Variants in XXYLT1 observed in about 807,000 individuals in gnomAD.
XXYLT1 encodes xyloside xylosyltransferase 1.
Under a neutral mutation model 28.9 loss-of-function variants are expected in XXYLT1, and 20 were observed. The observed-to-expected ratio is 0.69, with a 90% CI of 0.49 to 1.00. XXYLT1 has a LOEUF of 1.00. XXYLT1 is among the 50% of genes least tolerant of loss of function. The pLI, the probability that XXYLT1 is intolerant of heterozygous loss-of-function variation, is 0.00. For synonymous variants in XXYLT1, 257 were observed against 253.8 expected, an observed-to-expected ratio of 1.01 and a Z score of -0.12; for missense variants, 542 against 560.1, an observed-to-expected ratio of 0.97 and a Z score of 0.33.
intron 1 of XXYLT1, among the ~76,000 whole-genome samples, chr3:195,228,491 T>C (rs1724155549): frequency 6.9e-6 from 1 of 144,868 alleles, no homozygotes; most frequent in African/African-American, 2.6e-5. Flanking sequence ...TTTCACTTTT[T>C]TTTTTTTTTT....
At chr3:195,250,141 C>T (rs561406691) in intron 1 of XXYLT1, among the ~76,000 whole-genome samples, 23 of 152,300 alleles carry the variant, frequency 1.5e-4, no homozygotes, top group African/African-American at 5.5e-4. Context: ...ACTGAGCCTC[C>T]GACACAGCAG....
intron 1 of XXYLT1, among the ~76,000 whole-genome samples, chr3:195,261,836 G>T (rs927686200): frequency 6.6e-6 from 1 of 152,230 alleles, no homozygotes; most frequent in African/African-American, 2.4e-5. Flanking sequence ...ACACCCACTA[G>T]AATAGCTGTA....
chr3:195,209,636 A>G lies in XXYLT1; in HGVS notation c.652+17073T>C, dbSNP rs1376926356. The G allele has an allele frequency of 1.3e-5, 2 of 152,556 alleles. No individual in the cohort carries two copies. Among genetic ancestry groups the G allele is most frequent in the African/African-American group, 4.8e-5 (2 of 41,470 alleles). 9.5% of individuals were successfully genotyped at this position (152,556 alleles called of 1,614,324 possible). On this transcript the variant is annotated intron_variant, in intron 2 of 3. Transcript: ENST00000310380. The surrounding 1 kb of genome is among the most constrained non-coding windows in gnomAD (Gnocchi z 5.0). ...CAGCAAGCCCAGGCAGTGGGACGGC[A>G]GAGTGTGGGTCTGAACCAGAGAAAA...
rs958512068 is a variant in XXYLT1 at position 195,155,122 on chromosome 3, G to A, written c.785+1327C>T. Among the ~76,000 whole-genome samples the A allele has an allele frequency of 4.6e-5, 7 of 152,328 alleles. No homozygotes were observed. The East Asian group carries it at 5.8e-4, about 13-fold the overall frequency. ...TATATAAGGGAGAAAAGTCCACACG[G>A]CCCAAGGAGTTATCAGCTCATTTAG... On this transcript the variant is annotated intron_variant, in intron 3 of 3. Coordinates refer to ENST00000310380, the MANE Select transcript of XXYLT1 (RefSeq NM_152531.5).
rs1033398933 is a variant in XXYLT1 at position 195,209,161 on chromosome 3, G to A, written c.652+17548C>T. Among the ~76,000 whole-genome samples, 4 of 152,182 alleles carry A rather than the reference G, an allele frequency of 2.6e-5. No homozygotes were observed. The highest frequency in any genetic ancestry group is 6.5e-5 in the Admixed American group (1 of 15,282). ...TGCCAGTGGGGTTAGGACAGGAACC[G>A]GCTCACCCTGTTAAGAAGCCAGTCC... On this transcript the variant is annotated intron_variant, in intron 2 of 3. Coordinates refer to ENST00000310380, the MANE Select transcript of XXYLT1 (RefSeq NM_152531.5). The surrounding 1 kb of genome is among the most constrained non-coding windows in gnomAD (Gnocchi z 5.0).
At chr3:195,079,532 G>A (rs188244294) in intron 3 of XXYLT1, among the ~76,000 whole-genome samples, 3 of 152,296 alleles carry the variant, frequency 2.0e-5, no homozygotes, top group Admixed American at 2.0e-4. Context: ...AATGTATTCA[G>A]TATAATGTTT....
intron 1 of XXYLT1, among the ~76,000 whole-genome samples, chr3:195,269,091 C>G (rs573796954): frequency 1.4e-4 from 22 of 152,350 alleles, no homozygotes; most frequent in African/African-American, 4.6e-4. Context: ...CTGGAAAGCA[C>G]TGGCTGTGCA....
At chr3:195,085,244 C>G (rs1715655264) in intron 3 of XXYLT1, among the ~76,000 whole-genome samples, 2 of 152,250 alleles carry the variant, frequency 1.3e-5, no homozygotes, top group African/African-American at 4.8e-5. Context: ...GAGAGAATAT[C>G]TGGATTTGCC....
intron 3 of XXYLT1, among the ~76,000 whole-genome samples, chr3:195,145,840 C>T (rs912022357): frequency 1.3e-5 from 2 of 152,202 alleles, no homozygotes; most frequent in Non-Finnish European, 2.9e-5. Context: ...AAAAGGCAGA[C>T]GGCTGGGTTC....
At chr3:195,202,153 G>A (rs910154654) in intron 2 of XXYLT1, among the ~76,000 whole-genome samples, 1 of 151,842 alleles carries the variant, frequency 6.6e-6, no homozygotes, top group African/African-American at 2.4e-5. Flanking sequence ...CTCCTGCCTG[G>A]GCAACAGAGT....
chr3:195,120,391 C>G (rs1718296678), intron 3 of XXYLT1, among the ~76,000 whole-genome samples: 1 of 151,858 alleles, frequency 6.6e-6, no homozygotes, highest in Admixed American at 6.6e-5. Context: ...TGAGGCTGGC[C>G]TTGAACCATG....
At chr3:195,225,192 G>T (rs543604115) in intron 2 of XXYLT1, among the ~76,000 whole-genome samples, 45 of 152,270 alleles carry the variant, frequency 3.0e-4, no homozygotes, top group African/African-American at 1.1e-3. Context: ...CACTGCAAAG[G>T]CTCACCAATG....
intron 1 of XXYLT1, among the ~76,000 whole-genome samples, chr3:195,236,545 G>A (rs1724554387): frequency 6.6e-6 from 1 of 151,658 alleles, no homozygotes; most frequent in Non-Finnish European, 1.5e-5. Flanking sequence ...CAGAGCCAAG[G>A]CCTGGAACTG....
At chr3:195,219,885 C>T (rs1166845668) in intron 2 of XXYLT1, among the ~76,000 whole-genome samples, 7 of 152,192 alleles carry the variant, frequency 4.6e-5, no homozygotes, top group Non-Finnish European at 1.0e-4. Flanking sequence ...CAATGGCAAG[C>T]GTCACACTAG....
chr3:195,083,658 T>G (rs1715560885), intron 3 of XXYLT1, among the ~76,000 whole-genome samples: 1 of 152,188 alleles, frequency 6.6e-6, no homozygotes, highest in Admixed American at 6.5e-5. Flanking sequence ...ATATGTACAT[T>G]ATCTCAATTC....
intron 2 of XXYLT1, chr3:195,175,952 C>T (rs753094536): frequency 3.0e-6 from 4 of 1,353,038 alleles, no homozygotes; most frequent in Non-Finnish European, 3.8e-6. Context: ...GTTATTACAG[C>T]CCAGCTTAGT....
At chr3:195,109,160 C>T (rs1207463985) in intron 3 of XXYLT1, among the ~76,000 whole-genome samples, 1 of 152,078 alleles carries the variant, frequency 6.6e-6, no homozygotes, top group East Asian at 1.9e-4. Flanking sequence ...ACTCTCTCTT[C>T]GTTGCTTGCA....
At chr3:195,187,263 G>A (rs1285721598) in intron 2 of XXYLT1, among the ~76,000 whole-genome samples, 1 of 151,192 alleles carries the variant, frequency 6.6e-6, no homozygotes, top group Non-Finnish European at 1.5e-5. Context: ...AGATAGAGAC[G>A]GGGTTTCACC....
chr3:195,137,354 C>G (rs1279922738), intron 3 of XXYLT1, among the ~76,000 whole-genome samples: 2 of 152,256 alleles, frequency 1.3e-5, no homozygotes, highest in Admixed American at 1.3e-4. Context: ...CACACATGGT[C>G]AGCTCCAATC....
Sources: allele counts gnomAD v4.1 joint callset (sites outside exome capture counted in the v4.1 genomes callset), GRCh38; gene constraint gnomAD v4.1.1; non-coding constraint Gnocchi (gnomAD v3.1); transcripts MANE v1.5; gene names NCBI Gene and HGNC (gene_info 2026-07-23, HGNC 2026-07-21).